Variants in DOCK1 observed in about 807,000 individuals in gnomAD.
DOCK1 encodes dedicator of cytokinesis 1.
Under a neutral mutation model 262.7 loss-of-function variants are expected in DOCK1, and 138 were observed. That is an observed-to-expected ratio of 0.53 (90% CI 0.46 to 0.61). DOCK1 has a LOEUF of 0.61. Ranked by LOEUF, DOCK1 falls within the 20% of genes least tolerant of loss-of-function variation. The probability of loss-of-function intolerance (pLI) is 0.00; values close to 1 mark genes in which losing one functional copy is unlikely to be tolerated. For synonymous variants in DOCK1, 866 were observed against 867.4 expected (o/e 1.00, Z 0.03); for missense variants, 1,908 against 2,370.7 (o/e 0.80, Z 4.05).
chr10:126,981,642 A>G (rs2038984291), intron 3 of DOCK1, among the ~76,000 whole-genome samples: 1 of 152,182 alleles, frequency 6.6e-6, no homozygotes, highest in South Asian at 2.1e-4. Flanking sequence ...AAAAGGTGTG[A>G]TCTATGGAGC....
chr10:127,272,630 T>A (rs2060609854), intron 29 of DOCK1, among the ~76,000 whole-genome samples: 1 of 152,208 alleles, frequency 6.6e-6, no homozygotes, highest in Non-Finnish European at 1.5e-5. Context: ...GTGATATTGC[T>A]TGGGATGCAG....
In DOCK1 at chr10:126,925,767, T is replaced by C. The variant is rs537654298; in HGVS notation, c.46+20204T>C. Among the ~76,000 whole-genome samples the C allele has an allele frequency of 2.1e-3, 291 of 141,008 alleles. 2 individuals are homozygous for C. The highest frequency in any genetic ancestry group is 7.4e-3 in the South Asian group (33 of 4,472). The allele number at this position is 141,008 out of a possible 152,430, so 92.5% of individuals were successfully genotyped here. A position where few individuals can be genotyped will look rare whatever the true frequency, so the allele number is the denominator to read the frequency against. ...GTGTGTGTGTGTGTGTGTGTGTGTG[T>C]GTGCGCCTAGGTGCATCTGCAGAAA... On this transcript the variant is annotated intron_variant, in intron 1 of 51. Coordinates refer to ENST00000623213, the MANE Select transcript of DOCK1 (RefSeq NM_001290223.2).
intron 27 of DOCK1, among the ~76,000 whole-genome samples, chr10:127,144,682 A>G (rs966613027): frequency 2.0e-5 from 3 of 152,216 alleles, no homozygotes; most frequent in African/African-American, 7.2e-5. Context: ...TACATTAAAT[A>G]TATATGGATC....
chr10:127,087,537 C>G (rs2047269082), intron 23 of DOCK1, among the ~76,000 whole-genome samples: 2 of 151,980 alleles, frequency 1.3e-5, no homozygotes, highest in African/African-American at 4.8e-5. Flanking sequence ...GCGGGCACTT[C>G]CAGAAAACAG....
chr10:127,373,736 A>G (rs1376317472), intron 33 of DOCK1, 45 bp from the exon 34 acceptor site: 1 of 1,523,450 alleles, frequency 6.6e-7, no homozygotes, highest in Non-Finnish European at 9.0e-7. Context: ...ATAAAATGAA[A>G]TACTCGCCAT....
chr10:126,959,881 A>G (rs2037060383), intron 1 of DOCK1, among the ~76,000 whole-genome samples: 4 of 151,926 alleles, frequency 2.6e-5, no homozygotes, highest in Admixed American at 6.5e-5. Context: ...GCAATGGTGC[A>G]ATCTCGGCTC....
At chr10:127,082,458 A>G (rs190525606) in intron 23 of DOCK1, among the ~76,000 whole-genome samples, 2 of 152,294 alleles carry the variant, frequency 1.3e-5, no homozygotes, top group African/African-American at 4.8e-5. Flanking sequence ...CATGTCTTAC[A>G]TGGCGGCAGG....
Position 127,418,297 on chromosome 10 carries a change from C to T in DOCK1, c.4516-68C>T, listed in dbSNP as rs1590971727. The T allele has an allele frequency of 2.0e-6, 3 of 1,464,044 alleles. No individual in the cohort carries two copies. In the East Asian group the frequency reaches 7.3e-5, roughly 36 times the overall value. 90.7% of individuals were successfully genotyped at this position (1,464,044 alleles called of 1,614,324 possible). On this transcript the variant is annotated intron_variant, in intron 44 of 51. Transcript: ENST00000623213. ...GAAGCCTGCCCCAGAGCACGTGGCT[C>T]CTCTGGTGAGACCCTGGGAGTGGAG...
At chr10:127,002,009 C>G (rs191461325) in intron 10 of DOCK1, among the ~76,000 whole-genome samples, 4 of 152,180 alleles carry the variant, frequency 2.6e-5, no homozygotes, top group African/African-American at 9.6e-5. Context: ...AGGCACATGC[C>G]GTGCTAACAT....
intron 31 of DOCK1, among the ~76,000 whole-genome samples, chr10:127,348,432 T>G (rs930518905): frequency 6.6e-6 from 1 of 152,214 alleles, no homozygotes; most frequent in Admixed American, 6.5e-5. Context: ...GACAGTGTGT[T>G]GAATGACTGC....
chr10:127,389,787 G>A (rs2066362485), intron 38 of DOCK1, among the ~76,000 whole-genome samples: 1 of 152,090 alleles, frequency 6.6e-6, no homozygotes, highest in African/African-American at 2.4e-5. Context: ...CTGAGGCGGG[G>A]CAGATCACCT....
chr10:127,404,111 A>T (rs1474367328), intron 39 of DOCK1, among the ~76,000 whole-genome samples: 3 of 152,180 alleles, frequency 2.0e-5, no homozygotes, highest in South Asian at 2.1e-4. Context: ...TTGCGGAATG[A>T]TGGAGAATGA....
Position 127,175,876 on chromosome 10 carries a change from C to G in DOCK1, c.2847+48112C>G, listed in dbSNP as rs1229326253. The stretch of plus-strand genomic sequence containing the variant: ...TTCATGTGTTGGTTGGAATGGAAAA[C>G]CAAGGCTGTGGTCTTGTGCACCCGC... On this transcript the variant is annotated intron_variant, in intron 27 of 51. Transcript: ENST00000623213. The surrounding 1 kb of genome is among the most constrained non-coding windows in gnomAD (Gnocchi z 6.3). 9 of 1,614,062 alleles carry G rather than the reference C, an allele frequency of 5.6e-6. No individual in the cohort carries two copies. Among genetic ancestry groups the G allele is most frequent in the Non-Finnish European group, 7.6e-6 (9 of 1,180,030 alleles).
chr10:127,105,810 A>T (rs1302509385), intron 23 of DOCK1, among the ~76,000 whole-genome samples: 1 of 152,122 alleles, frequency 6.6e-6, no homozygotes, highest in Non-Finnish European at 1.5e-5. Context: ...CCGGGGCTGG[A>T]TTGCCATGCT....
intron 29 of DOCK1, among the ~76,000 whole-genome samples, chr10:127,320,678 G>T (rs933860183): frequency 6.6e-6 from 1 of 152,164 alleles, no homozygotes; most frequent in African/African-American, 2.4e-5. Flanking sequence ...TAGTAAGGTG[G>T]CAGATCCTCA....
At position 127,176,628 on chromosome 10, in the gene DOCK1, C is replaced by T. The variant is rs1451538584; in HGVS notation, c.2847+48864C>T. ...CCTGCTTGCTTTTCCAGGTGGGATA[C>T]ACTCGCTTTCCTTTTGACAGTAATG... On this transcript the variant is annotated intron_variant, in intron 27 of 51. Coordinates refer to ENST00000623213, the MANE Select transcript of DOCK1 (RefSeq NM_001290223.2). This position sits in a 1 kb window ranked among gnomAD's most constrained non-coding sequence, Gnocchi z 4.4. Among the ~76,000 whole-genome samples, 1 of 152,208 alleles carries T rather than the reference C, an allele frequency of 6.6e-6. No individual in the cohort carries two copies.
intron 23 of DOCK1, among the ~76,000 whole-genome samples, chr10:127,084,743 C>G (rs972823724): frequency 1.3e-5 from 2 of 152,306 alleles, no homozygotes; most frequent in African/African-American, 2.4e-5. Context: ...TGCTCTCACT[C>G]CACCTGTCCT....
chr10:126,950,464 T>C (rs1361917519), intron 1 of DOCK1, among the ~76,000 whole-genome samples: 1 of 152,078 alleles, frequency 6.6e-6, no homozygotes, highest in African/African-American at 2.4e-5. Context: ...AATGGAATTG[T>C]TATTTCATCT....
chr10:127,311,917 T>C (rs1420594470), intron 29 of DOCK1, among the ~76,000 whole-genome samples: 1 of 151,994 alleles, frequency 6.6e-6, no homozygotes, highest in Non-Finnish European at 1.5e-5. Context: ...CAGGCTGGAG[T>C]GCAGTGGGGC....
Sources: allele counts gnomAD v4.1 joint callset (sites outside exome capture counted in the v4.1 genomes callset), GRCh38; gene constraint gnomAD v4.1.1; non-coding constraint Gnocchi (gnomAD v3.1); transcripts MANE v1.5; gene names NCBI Gene and HGNC (gene_info 2026-07-23, HGNC 2026-07-21).